The following RCSD1 variants were observed in gnomAD, a reference collection of about 807,000 sequenced individuals.
RCSD1 encodes the protein RCSD domain containing 1.
In RCSD1, 26 loss-of-function variants were observed where a neutral mutation model predicts 42.5. The ratio of observed to expected loss-of-function variants is 0.61; its 90% CI spans 0.45 to 0.85. RCSD1 has a LOEUF of 0.85. Ranked by LOEUF, RCSD1 falls within the 40% of genes least tolerant of loss-of-function variation. RCSD1 has a pLI of 0.00. For missense variants in RCSD1, 571 were observed against 528.3 expected (o/e 1.08, Z -0.79); for synonymous variants, 220 against 212.2 (o/e 1.04, Z -0.32).
chr1:167,660,477 T>TTTG (rs1658517077), intron 1 of RCSD1, among the ~76,000 whole-genome samples: 1 of 147,702 alleles, frequency 6.8e-6, no homozygotes, highest in South Asian at 2.1e-4. Context: ...ACTGTTTTGT[T>TTTG]TTTTTTTTTT....
At chr1:167,648,387 T>C (rs1205997606) in intron 1 of RCSD1, among the ~76,000 whole-genome samples, 1 of 152,236 alleles carries the variant, frequency 6.6e-6, no homozygotes, top group Admixed American at 6.5e-5. Flanking sequence ...TGACAAGCAT[T>C]GCCAAATCAG....
At chr1:167,677,639 G>A (rs532670895) in intron 1 of RCSD1, among the ~76,000 whole-genome samples, 14 of 152,358 alleles carry the variant, frequency 9.2e-5, no homozygotes, top group African/African-American at 3.4e-4. Flanking sequence ...ACATGTGAGA[G>A]ATGAGTAGAG....
At chr1:167,688,556 A>G (rs911451213) in intron 3 of RCSD1, among the ~76,000 whole-genome samples, 1 of 152,180 alleles carries the variant, frequency 6.6e-6, no homozygotes, top group Non-Finnish European at 1.5e-5. Context: ...GCATCTTGGT[A>G]GAGGAGGCTG....
chr1:167,690,776 C>G (rs1459087174), intron 4 of RCSD1, among the ~76,000 whole-genome samples: 1 of 152,184 alleles, frequency 6.6e-6, no homozygotes, highest in African/African-American at 2.4e-5. Flanking sequence ...CTGAATGCAG[C>G]CACAAACCAT....
chr1:167,686,795 G>A (rs1015091826), intron 3 of RCSD1, among the ~76,000 whole-genome samples: 2 of 152,192 alleles, frequency 1.3e-5, no homozygotes, highest in Non-Finnish European at 2.9e-5. Flanking sequence ...TGGGCTCAGT[G>A]TCTCCACTGC....
At chr1:167,703,897 C>T (rs2101727689) in intron 6 of RCSD1, among the ~76,000 whole-genome samples, 1 of 152,272 alleles carries the variant, frequency 6.6e-6, no homozygotes, top group South Asian at 2.1e-4. Flanking sequence ...TGGAAGTCCT[C>T]TCACCACACC....
At chr1:167,665,994 T>C (rs1018921729) in intron 1 of RCSD1, among the ~76,000 whole-genome samples, 1 of 152,178 alleles carries the variant, frequency 6.6e-6, no homozygotes, top group Admixed American at 6.5e-5. Context: ...GTATTTTTAG[T>C]CGAGACGGGG....
At chr1:167,666,795 T>G (rs1361145291) in intron 1 of RCSD1, among the ~76,000 whole-genome samples, 1 of 152,244 alleles carries the variant, frequency 6.6e-6, no homozygotes, top group African/African-American at 2.4e-5. Context: ...AGAACAAGCT[T>G]GTCCAACCCA....
At chr1:167,639,789 C>T (rs546414943) in intron 1 of RCSD1, among the ~76,000 whole-genome samples, 3 of 152,310 alleles carry the variant, frequency 2.0e-5, no homozygotes, top group South Asian at 2.1e-4. Flanking sequence ...CCATGATGCC[C>T]GGCCCATTCT....
intron 1 of RCSD1, among the ~76,000 whole-genome samples, chr1:167,671,151 T>C (rs1269141570): frequency 6.6e-6 from 1 of 152,242 alleles, no homozygotes; most frequent in Non-Finnish European, 1.5e-5. Flanking sequence ...TCTGGCATGT[T>C]GTAGGGTCTC....
intron 1 of RCSD1, among the ~76,000 whole-genome samples, chr1:167,635,740 G>A (rs549360773): frequency 2.0e-5 from 3 of 152,272 alleles, no homozygotes; most frequent in African/African-American, 7.2e-5. Context: ...AAATCTCAGA[G>A]CTCTGGGTGA....
chr1:167,703,561 TCCAGACTCACCC>T (rs1436178648), intron 6 of RCSD1, among the ~76,000 whole-genome samples: 1 of 152,186 alleles, frequency 6.6e-6, no homozygotes, highest in African/African-American at 2.4e-5. Context: ...ATTCCTGGTT[TCCAGACTCACCC>T]TACACATCAG....
At chr1:167,700,692 A>G (rs531666143) in intron 6 of RCSD1, among the ~76,000 whole-genome samples, 4 of 151,730 alleles carry the variant, frequency 2.6e-5, no homozygotes, top group East Asian at 3.9e-4. Flanking sequence ...AAAACTTTCC[A>G]TTCTAAGTAA....
chr1:167,673,628 T>C (rs1266936697), intron 1 of RCSD1, among the ~76,000 whole-genome samples: 1 of 152,264 alleles, frequency 6.6e-6, no homozygotes, highest in Non-Finnish European at 1.5e-5. Flanking sequence ...CAAGGTCACC[T>C]ATATAGCTAA....
At chr1:167,652,178 T>C (rs1229725459) in intron 1 of RCSD1, among the ~76,000 whole-genome samples, 1 of 151,984 alleles carries the variant, frequency 6.6e-6, no homozygotes, top group Non-Finnish European at 1.5e-5. Flanking sequence ...TGCACCACCA[T>C]GCCCGGCTAA....
At chr1:167,647,531 G>T (rs1406174709) in intron 1 of RCSD1, among the ~76,000 whole-genome samples, 1 of 151,598 alleles carries the variant, frequency 6.6e-6, no homozygotes, top group Non-Finnish European at 1.5e-5. Context: ...GACCAGCCTG[G>T]GCAACATAGT....
At chr1:167,688,646 C>G (rs1659298076) in intron 3 of RCSD1, among the ~76,000 whole-genome samples, 1 of 152,188 alleles carries the variant, frequency 6.6e-6, no homozygotes, top group Admixed American at 6.5e-5. Flanking sequence ...CCATGCTCTC[C>G]CTTGGTGTTG....
intron 1 of RCSD1, among the ~76,000 whole-genome samples, chr1:167,679,271 T>C (rs1343315873): frequency 6.6e-6 from 1 of 152,112 alleles, no homozygotes; most frequent in East Asian, 1.9e-4. Context: ...TTTAGAGAGG[T>C]AAGAATTACA....
intron 1 of RCSD1, among the ~76,000 whole-genome samples, chr1:167,672,121 C>T (rs1658825712): frequency 6.6e-6 from 1 of 152,186 alleles, no homozygotes; most frequent in Non-Finnish European, 1.5e-5. Context: ...TGTGACCTCC[C>T]TTGCAGAGGT....
Sources: allele counts gnomAD v4.1 joint callset (sites outside exome capture counted in the v4.1 genomes callset), GRCh38; gene constraint gnomAD v4.1.1; transcripts MANE v1.5; gene names NCBI Gene and HGNC (gene_info 2026-07-23, HGNC 2026-07-21).